Variants in AIG1 observed in about 807,000 individuals in gnomAD.
AIG1 encodes androgen-induced gene 1 protein.
Under a neutral mutation model 31.4 loss-of-function variants are expected in AIG1, and 23 were observed. That is an observed-to-expected ratio of 0.73 (90% CI 0.53 to 1.04). The LOEUF (loss-of-function observed/expected upper bound fraction) is 1.04. Among genes scored for constraint, AIG1 ranks in the 50% least tolerant of loss-of-function variants. The probability of loss-of-function intolerance (pLI) is 0.00; values close to 1 mark genes in which losing one functional copy is unlikely to be tolerated. For missense variants in AIG1, 274 were observed against 295.0 expected (o/e 0.93, Z 0.52); for synonymous variants, 100 against 110.5 (o/e 0.90, Z 0.60).
Position 143,077,086 on chromosome 6 carries a change from C to T in AIG1, c.141+16020C>T, listed in dbSNP as rs77035091. Among the ~76,000 whole-genome samples, 291 of 152,270 alleles carry T rather than the reference C, an allele frequency of 1.9e-3. 9 individuals carry two copies. In the East Asian group the frequency reaches 0.045, roughly 23 times the overall value. ...TACAAACTTAGCTTTACACAATCTACTTAGAGGGAATAGTTTATCACTTCA... is the reference window on the plus strand; with the variant it reads ...TACAAACTTAGCTTTACACAATCTATTTAGAGGGAATAGTTTATCACTTCA... On this transcript the variant is annotated intron_variant, in intron 1 of 5. Transcript: ENST00000357847.
rs1217530851 is a variant in AIG1, at chr6:143,285,056, A to G, written c.515+831A>G. Among the ~76,000 whole-genome samples the G allele has an allele frequency of 1.2e-4, 18 of 152,158 alleles. No individual in the cohort carries two copies. In the East Asian group the frequency reaches 3.5e-3, roughly 30 times the overall value. ...TCACCATCCCCTCCTTTAAGCCCAA[A>G]GGACTGGATAGTGTTCTTCCAAAAA... On this transcript the variant is annotated intron_variant, in intron 4 of 5. Transcript: ENST00000357847.
intron 1 of AIG1, among the ~76,000 whole-genome samples, chr6:143,135,304 C>T (rs57855402): frequency 1.3e-5 from 2 of 151,604 alleles, no homozygotes; most frequent in East Asian, 3.9e-4. Context: ...TCCATTAGGG[C>T]CAACATAGAG....
intron 3 of AIG1, among the ~76,000 whole-genome samples, chr6:143,236,723 C>G (rs971059654): frequency 6.6e-6 from 1 of 152,140 alleles, no homozygotes; most frequent in Non-Finnish European, 1.5e-5. Flanking sequence ...GCAAAATGAG[C>G]TACCTAAACC....
chr6:143,132,423 G>A (rs9403447), intron 1 of AIG1, among the ~76,000 whole-genome samples: 29,913 of 151,912 alleles, frequency 0.2, 5,775 homozygotes, highest in African/African-American at 0.47. Context: ...GGCTTGGATC[G>A]TTTTACACAA....
intron 1 of AIG1, among the ~76,000 whole-genome samples, chr6:143,105,638 G>T (rs980393549): frequency 4.6e-5 from 7 of 152,248 alleles, no homozygotes; most frequent in Non-Finnish European, 8.8e-5. Flanking sequence ...GATCGTTTTA[G>T]GTTAGGGGAT....
chr6:143,260,263 G>A (rs180902387), intron 3 of AIG1, among the ~76,000 whole-genome samples: 38 of 152,066 alleles, frequency 2.5e-4, no homozygotes, highest in African/African-American at 7.0e-4. Flanking sequence ...CGCCCGCGTC[G>A]GCCTCCTGCC....
At chr6:143,234,829 A>G (rs541779899) in intron 3 of AIG1, among the ~76,000 whole-genome samples, 1 of 152,368 alleles carries the variant, frequency 6.6e-6, no homozygotes, top group South Asian at 2.1e-4. Context: ...TAATTTAGAA[A>G]GTGGCCTTTC....
intron 1 of AIG1, among the ~76,000 whole-genome samples, chr6:143,129,470 A>G (rs941705770): frequency 6.6e-6 from 1 of 152,186 alleles, no homozygotes; most frequent in South Asian, 2.1e-4. Flanking sequence ...GTGACAGGTA[A>G]TAGTGAGGGG....
chr6:143,226,477 C>T (rs1011131864), intron 3 of AIG1, among the ~76,000 whole-genome samples: 14 of 151,806 alleles, frequency 9.2e-5, no homozygotes, highest in African/African-American at 3.4e-4. Context: ...ATCTCTTGAC[C>T]TCGTGATCCA....
At chr6:143,125,080 A>C (rs2128505561) in intron 1 of AIG1, among the ~76,000 whole-genome samples, 2 of 152,272 alleles carry the variant, frequency 1.3e-5, no homozygotes, top group Middle Eastern at 6.8e-3. Context: ...TTTCAGAGTT[A>C]TCTAGCTCTT....
intron 1 of AIG1, among the ~76,000 whole-genome samples, chr6:143,062,522 T>C: frequency 6.6e-6 from 1 of 152,222 alleles, no homozygotes; most frequent in East Asian, 1.9e-4. Flanking sequence ...TCTTTATATT[T>C]GATTGAACAA....
chr6:143,310,072 G>A lies in AIG1; in HGVS notation c.516-23210G>A, dbSNP rs73576639. On this transcript the variant is annotated intron_variant, in intron 4 of 5. Coordinates refer to ENST00000357847, the MANE Select transcript of AIG1 (RefSeq NM_016108.4). The stretch of plus-strand genomic sequence containing the variant: ...TGGAGACTTCAACACCCCTCTTTTA[G>A]CAATTATTAGATAAAGCAGGCAAAA... Among the ~76,000 whole-genome samples, 737 of 152,010 alleles carry A rather than the reference G, an allele frequency of 4.8e-3. 5 individuals carry two copies. Among genetic ancestry groups the A allele is most frequent in the African/African-American group, 0.017 (699 of 41,554 alleles).
intron 3 of AIG1, among the ~76,000 whole-genome samples, chr6:143,198,541 G>C (rs1395366772): frequency 6.6e-6 from 1 of 152,184 alleles, no homozygotes; most frequent in African/African-American, 2.4e-5. Context: ...TGTTTTAACA[G>C]ATACCAAAAT....
chr6:143,343,212 A>G (rs1777889404), downstream of AIG1: 7 of 688,044 alleles, frequency 1.0e-5, no homozygotes, highest in Admixed American at 1.8e-5. Context: ...GGCAGGAATG[A>G]TCCTGGGACG....
chr6:143,307,244 G>A (rs1562577610), intron 4 of AIG1, among the ~76,000 whole-genome samples: 1 of 152,220 alleles, frequency 6.6e-6, no homozygotes, highest in Non-Finnish European at 1.5e-5. Flanking sequence ...TTGCTGGTGA[G>A]AAACTGTGTT....
At chr6:143,283,457 C>T (rs547169023) in intron 3 of AIG1, among the ~76,000 whole-genome samples, 3 of 152,254 alleles carry the variant, frequency 2.0e-5, no homozygotes, top group African/African-American at 7.2e-5. Flanking sequence ...ATCATATAGC[C>T]TTTGACAATA....
chr6:143,253,588 A>G (rs143258558), intron 3 of AIG1, among the ~76,000 whole-genome samples: 1 of 152,322 alleles, frequency 6.6e-6, no homozygotes, highest in East Asian at 1.9e-4. Flanking sequence ...GATTATTCCT[A>G]AACAAAATAT....
intron 1 of AIG1, among the ~76,000 whole-genome samples, chr6:143,127,304 C>A (rs1782772689): frequency 6.6e-6 from 1 of 152,152 alleles, no homozygotes; most frequent in Non-Finnish European, 1.5e-5. Flanking sequence ...TTCCATGATC[C>A]ATGTCATTCC....
At chr6:143,140,510 G>A (rs1208350442) in intron 2 of AIG1, among the ~76,000 whole-genome samples, 1 of 152,092 alleles carries the variant, frequency 6.6e-6, no homozygotes, top group African/African-American at 2.4e-5. Flanking sequence ...GAATCCTGCT[G>A]TAGTTTCATT....
Sources: gnomAD v4.1 joint callset for allele counts (sites outside exome capture counted in the v4.1 genomes callset) on GRCh38, gnomAD v4.1.1 for gene constraint, MANE v1.5 for transcripts, NCBI Gene and HGNC (gene_info 2026-07-23, HGNC 2026-07-21) for gene names.